Variants in WNT9B observed in about 807,000 individuals in gnomAD.
WNT9B encodes Wnt family member 9B.
Under a neutral mutation model 30.2 loss-of-function variants are expected in WNT9B, and 12 were observed. The ratio of observed to expected loss-of-function variants is 0.40; its 90% CI spans 0.26 to 0.64. The LOEUF (loss-of-function observed/expected upper bound fraction) is 0.64, where lower values mean the gene tolerates loss of function less well. Ranked by LOEUF, WNT9B falls within the 30% of genes least tolerant of loss-of-function variation. The probability of loss-of-function intolerance (pLI) is 0.42; values close to 1 mark genes in which losing one functional copy is unlikely to be tolerated. For missense variants in WNT9B, 442 were observed against 485.2 expected, an observed-to-expected ratio of 0.91 and a Z score of 0.84; for synonymous variants, 218 against 216.9, an observed-to-expected ratio of 1.01 and a Z score of -0.05.
At chr17:46,835,487 AG>A (rs1293934257) in intron 1 of WNT9B, among the ~76,000 whole-genome samples, 1 of 152,216 alleles carries the variant, frequency 6.6e-6, no homozygotes, top group African/African-American at 2.4e-5. Flanking sequence ...CTGGGATTAC[AG>A]GCATGAGCCA....
chr17:46,868,110 T>G (rs1039000699), intron 1 of WNT9B, among the ~76,000 whole-genome samples: 3 of 152,126 alleles, frequency 2.0e-5, no homozygotes, highest in Non-Finnish European at 4.4e-5. Context: ...CCAAAGCAGG[T>G]GCAGCCTGAT....
chr17:46,851,409 G>A (rs1321558383), upstream of WNT9B, among the ~76,000 whole-genome samples: 1 of 151,256 alleles, frequency 6.6e-6, no homozygotes, highest in Non-Finnish European at 1.5e-5. This position sits in a 1 kb window ranked among gnomAD's most constrained non-coding sequence, Gnocchi z 4.3. Flanking sequence ...GGGGAGGGGC[G>A]GGGGCGGTCC....
In WNT9B at chr17:46,853,102, G is replaced by A. The variant is rs139506653; in HGVS notation, c.77+1387G>A. Among the ~76,000 whole-genome samples the A allele has an allele frequency of 7.0e-4, 107 of 152,212 alleles. 1 individual carries two copies. Among genetic ancestry groups the A allele is most frequent in the African/African-American group, 2.0e-3 (81 of 41,520 alleles). ...AGCAGTGCACAACTTGTTTGTTTCC[G>A]AAGATTTCAGGCTTGAAGGAATGGT... On this transcript the variant is annotated intron_variant, in intron 1 of 3. Transcript: ENST00000290015.
chr17:46,849,797 A>C (rs1237736501), upstream of WNT9B, among the ~76,000 whole-genome samples: 2 of 152,100 alleles, frequency 1.3e-5, no homozygotes, highest in African/African-American at 4.8e-5. Flanking sequence ...TCCTGCCTGC[A>C]GGTATAACGA....
chr17:46,858,419 C>A (rs2084975936), intron 1 of WNT9B, among the ~76,000 whole-genome samples: 1 of 152,200 alleles, frequency 6.6e-6, no homozygotes, highest in Admixed American at 6.5e-5. Context: ...CCCAAGAAAT[C>A]TCTGCCTACC....
At chr17:46,872,806 G>T in intron 2 of WNT9B, 33 bp downstream of exon 2, 3 of 1,477,074 alleles carry the variant, frequency 2.0e-6, no homozygotes, top group South Asian at 1.2e-5. Flanking sequence ...GGGGAGGGCT[G>T]GGGGAAGAAG....
At chr17:46,866,174 G>A (rs894006808) in intron 1 of WNT9B, among the ~76,000 whole-genome samples, 1 of 152,158 alleles carries the variant, frequency 6.6e-6, no homozygotes, top group Non-Finnish European at 1.5e-5. Flanking sequence ...GGGCCTCCCA[G>A]TGTAACAGCA....
At chr17:46,866,697 C>T (rs993720267) in intron 1 of WNT9B, among the ~76,000 whole-genome samples, 10 of 152,044 alleles carry the variant, frequency 6.6e-5, no homozygotes, top group South Asian at 2.1e-4. Context: ...ATGGCCCTGG[C>T]GTAATGCACT....
chr17:46,879,254 TC>T lies in WNT9B; in HGVS notation c.*2541del, dbSNP rs1555698056. 6.6e-6 allele frequency among the ~76,000 whole-genome samples: 1 copy of T among 152,022 alleles called. No individual in the cohort carries two copies. The highest frequency in any genetic ancestry group is 2.4e-5 in the African/African-American group (1 of 41,384). On this transcript the variant is annotated 3_prime_UTR_variant, in exon 4 of 4. Transcript: ENST00000290015. ...GGAGATACAGCCTGACCTGACCGGG[TC>T]CCCCACTGAGCAGGAGGCCGGGTCG...
At chr17:46,884,603 C>T (rs1008310775), downstream of WNT9B, among the ~76,000 whole-genome samples, 1 of 152,198 alleles carries the variant, frequency 6.6e-6, no homozygotes, top group Admixed American at 6.5e-5. Flanking sequence ...AGTTGTTTTG[C>T]GCAGGCTTCA....
upstream of WNT9B, among the ~76,000 whole-genome samples, chr17:46,847,991 TGTG>T (rs1598833395): frequency 7.0e-6 from 1 of 142,520 alleles, no homozygotes; most frequent in East Asian, 2.2e-4. Context: ...TGTGTGTGTG[TGTG>T]TGCACGTGCA....
intron 1 of WNT9B, among the ~76,000 whole-genome samples, chr17:46,845,618 T>G (rs1250473042): frequency 6.6e-6 from 1 of 150,510 alleles, no homozygotes; most frequent in African/African-American, 2.5e-5. Flanking sequence ...GCCTCCCGAG[T>G]AGCTGGGGAC....
chr17:46,870,748 G>A (rs2085227990), intron 1 of WNT9B, among the ~76,000 whole-genome samples: 1 of 152,288 alleles, frequency 6.6e-6, no homozygotes, highest in African/African-American at 2.4e-5. Context: ...TGACTCCAAA[G>A]AGGAGAGCTG....
rs1010318466 is a variant in WNT9B at position 46,880,338 on chromosome 17, T to A, written c.*3620T>A. On this transcript the variant is annotated 3_prime_UTR_variant, in exon 4 of 4. Transcript: ENST00000290015. ...AACCATGAACTTCAAATGCTTTCTG[T>A]CTCAGGACACTTTAGAATAACAATG... Among the ~76,000 whole-genome samples, 8 of 152,206 alleles carry A rather than the reference T, an allele frequency of 5.3e-5. No homozygotes were observed. Among genetic ancestry groups the A allele is most frequent in the Non-Finnish European group, 1.5e-5 (1 of 68,034 alleles).
chr17:46,835,047 C>T (rs186528697), intron 1 of WNT9B, among the ~76,000 whole-genome samples: 42 of 152,260 alleles, frequency 2.8e-4, no homozygotes, highest in African/African-American at 7.7e-4. Flanking sequence ...CAGGCTGCAG[C>T]GCAGTAGTGC....
At chr17:46,863,391 G>T (rs1386261566) in intron 1 of WNT9B, among the ~76,000 whole-genome samples, 5 of 152,230 alleles carry the variant, frequency 3.3e-5, no homozygotes, top group Non-Finnish European at 5.9e-5. Context: ...GACTGGGAAA[G>T]AATGGATCTC....
At chr17:46,839,098 G>A (rs996943391) in intron 1 of WNT9B, among the ~76,000 whole-genome samples, 3 of 152,010 alleles carry the variant, frequency 2.0e-5, no homozygotes, top group Non-Finnish European at 2.9e-5. Context: ...AGCTGGTCTC[G>A]AACTCCTGAC....
upstream of WNT9B, among the ~76,000 whole-genome samples, chr17:46,847,967 AGTGTGT>A (rs57125736): frequency 0.14 from 21,090 of 149,640 alleles, 1,676 homozygotes; most frequent in South Asian, 0.31. Flanking sequence ...TGATTTCCAA[AGTGTGT>A]GTGTGTGTGT....
rs562333574 is a variant in WNT9B at position 46,836,585 on chromosome 17, A to G, written c.95+3145A>G. Among the ~76,000 whole-genome samples, 7 of 152,324 alleles carry G rather than the reference A, an allele frequency of 4.6e-5. No individual in the cohort carries two copies. The South Asian group carries it at 1.5e-3, about 32-fold the overall frequency. On this transcript the variant is annotated intron_variant, in intron 1 of 2. Transcript: ENST00000575372. Reference sequence around the variant, plus strand: ...TGTCAATTTCTGAAGCAGTTGGGAGAAATAAGTAGGATAATGAAATGAATC... The same window carrying G: ...TGTCAATTTCTGAAGCAGTTGGGAGGAATAAGTAGGATAATGAAATGAATC...
Sources: gnomAD v4.1 joint callset for allele counts (sites outside exome capture counted in the v4.1 genomes callset) on GRCh38, gnomAD v4.1.1 for gene constraint, Gnocchi (gnomAD v3.1) non-coding constraint, MANE v1.5 for transcripts, NCBI Gene and HGNC (gene_info 2026-07-23, HGNC 2026-07-21) for gene names.